The following USP25 variants were observed in gnomAD, a reference collection of about 807,000 sequenced individuals.
The protein encoded by USP25 is ubiquitin specific peptidase 25, also known as ubiquitin carboxyl-terminal hydrolase 25.
In USP25, 85 loss-of-function variants were observed where a neutral mutation model predicts 158.5. That is an observed-to-expected ratio of 0.54 (90% CI 0.45 to 0.64). The LOEUF is 0.64. Among genes scored for constraint, USP25 ranks in the 30% least tolerant of loss-of-function variants. The probability of loss-of-function intolerance (pLI) is 0.00; values close to 1 mark genes in which losing one functional copy is unlikely to be tolerated. For missense variants in USP25, 1,242 were observed against 1,327.3 expected (o/e 0.94, Z 1.00); for synonymous variants, 464 against 460.4 (o/e 1.01, Z -0.10).
chr21:15,854,180 C>G (rs1045076356), intron 20 of USP25, among the ~76,000 whole-genome samples: 1 of 152,090 alleles, frequency 6.6e-6, no homozygotes, highest in Non-Finnish European at 1.5e-5. Flanking sequence ...AAGTCTCACT[C>G]TGTCGCCCAG....
chr21:15,782,721 A>G (rs1048891241), intron 4 of USP25, among the ~76,000 whole-genome samples: 11 of 152,244 alleles, frequency 7.2e-5, no homozygotes, highest in South Asian at 6.2e-4. Flanking sequence ...GCCATTTCCA[A>G]TCAGCACCCT....
chr21:15,740,641 G>GTTTTTTTTT (rs60616271), intron 1 of USP25, among the ~76,000 whole-genome samples: 67 of 41,290 alleles, frequency 1.6e-3, no homozygotes, highest in Non-Finnish European at 3.5e-3. Context: ...CTTTCTGGCT[G>GTTTTTTTTT]TTTTTTTTTT....
At chr21:15,769,939 G>GT (rs764027848) in intron 3 of USP25, among the ~76,000 whole-genome samples, 1 of 151,844 alleles carries the variant, frequency 6.6e-6, no homozygotes, top group Non-Finnish European at 1.5e-5. Flanking sequence ...GTGACAGGTG[G>GT]TAAGACTCTT....
rs1013385791 is a variant in USP25 at position 15,791,567 on chromosome 21, G to A, written c.458G>A (p.Arg153Lys). The A allele has an allele frequency of 5.6e-6, 9 of 1,611,678 alleles. No individual in the cohort carries two copies. In the African/African-American group the frequency reaches 1.2e-4, roughly 22 times the overall value. The change falls in exon 5 of 26, where the codon AGG (arginine) becomes AAG (lysine). Residue 153 changes from arginine (R) to lysine (K), a missense_variant. By Grantham distance (26) the Arg-to-Lys change is conservative. Around this residue, in one of 3 missense-constraint regions of USP25, gnomAD observed 627 missense variants for 701.4 expected, o/e 0.89. Transcript: ENST00000400183. ...AAGAGGACACCTACAGAAGTTTGGA[G>A]GGATTCTCGAAACCCTTATGATAGA... Reference protein sequence around the residue: ...CLKRTPTEVWRDSRNPYDRKR... With the variant: ...CLKRTPTEVWKDSRNPYDRKR...
At chr21:15,872,590 A>G (rs1477949716) in intron 23 of USP25, among the ~76,000 whole-genome samples, 1 of 152,222 alleles carries the variant, frequency 6.6e-6, no homozygotes, top group African/African-American at 2.4e-5. Flanking sequence ...TTCGTTTTTC[A>G]TAAATAACAT....
intron 1 of USP25, among the ~76,000 whole-genome samples, chr21:15,750,227 T>G (rs201500617): frequency 0.073 from 10,496 of 144,200 alleles, 531 homozygotes; most frequent in Non-Finnish European, 0.09. Context: ...TTTTTTTTTT[T>G]TTTTTTTTTT....
chr21:15,857,548 A>AT (rs2039214205), intron 20 of USP25, among the ~76,000 whole-genome samples: 1 of 152,040 alleles, frequency 6.6e-6, no homozygotes, highest in African/African-American at 2.4e-5. Flanking sequence ...GGCAATTGGT[A>AT]TTTATGTTGA....
intron 1 of USP25, among the ~76,000 whole-genome samples, chr21:15,750,182 G>A (rs909917355): frequency 1.2e-5 from 1 of 82,924 alleles, no homozygotes; most frequent in African/African-American, 6.8e-5. Context: ...CTCCAGTGCC[G>A]TGTGTGTGTG....
In USP25 at chr21:15,849,670, C is replaced by A. The variant is rs571821829; in HGVS notation, c.2452-107C>A. 3.5e-6 allele frequency: 3 copies of A among 852,678 alleles called. No individual in the cohort carries two copies. In the South Asian group the frequency reaches 6.3e-5, roughly 18 times the overall value. The allele number at this position is 852,678 out of a possible 1,614,324, so 52.8% of individuals were successfully genotyped here. On this transcript the variant is annotated intron_variant, in intron 19 of 25. Transcript: ENST00000400183. ...TGGATTAAATTTGGTATTAAAAGTG[C>A]AACATTTGATTTATAAATATGGAAA...
Position 15,824,124 on chromosome 21 carries a change from T to G in USP25, c.1166T>G (p.Ile389Ser). 1 of 1,613,482 alleles carries G rather than the reference T, an allele frequency of 6.2e-7. No homozygotes were observed. The highest frequency in any genetic ancestry group is 8.5e-7 in the Non-Finnish European group (1 of 1,179,832). The change falls in exon 11 of 26, where the codon ATT becomes AGT. Residue 389 changes from isoleucine (I) to serine (S), a missense_variant. Physicochemically the swap from Ile to Ser is moderately radical, Grantham distance 142. Coordinates refer to ENST00000400183, the MANE Select transcript of USP25 (RefSeq NM_001283041.3). ...CAGGCATTGGGAAGACCAGAAAAAATTCACAACAAATTAGAATTTCCCCAA... is the reference window on the plus strand; with the variant it reads ...CAGGCATTGGGAAGACCAGAAAAAAGTCACAACAAATTAGAATTTCCCCAA... ...FNQALGRPEK[I>S]HNKLEFPQVL...
chr21:15,741,744 A>T (rs533027439), intron 1 of USP25, among the ~76,000 whole-genome samples: 2 of 152,310 alleles, frequency 1.3e-5, no homozygotes, highest in East Asian at 1.9e-4. Context: ...AATGTCAGAG[A>T]TGTAGCTAAA....
intron 22 of USP25, among the ~76,000 whole-genome samples, chr21:15,867,222 T>G (rs918709872): frequency 1.3e-5 from 2 of 152,156 alleles, no homozygotes; most frequent in Non-Finnish European, 2.9e-5. Flanking sequence ...ATTGTCTTTT[T>G]TTTAATTTAT....
chr21:15,741,942 T>G (rs1020786561), intron 1 of USP25, among the ~76,000 whole-genome samples: 4 of 152,164 alleles, frequency 2.6e-5, no homozygotes, highest in African/African-American at 9.7e-5. Context: ...ATTGCACACA[T>G]ACATGAGAAA....
intron 8 of USP25, among the ~76,000 whole-genome samples, chr21:15,810,565 A>G (rs752312967): frequency 9.9e-5 from 15 of 152,198 alleles, no homozygotes; most frequent in Non-Finnish European, 1.5e-4. Context: ...AAATTTGTAG[A>G]TGACTAATTC....
intron 24 of USP25, 115 bp downstream of exon 24, chr21:15,874,641 A>T: frequency 9.2e-7 from 1 of 1,090,084 alleles, no homozygotes; most frequent in Non-Finnish European, 1.3e-6. Flanking sequence ...GAACATGATG[A>T]TGTCTATAAA....
chr21:15,867,689 G>C (rs755380738), intron 22 of USP25, among the ~76,000 whole-genome samples: 2 of 152,090 alleles, frequency 1.3e-5, no homozygotes, highest in Admixed American at 6.5e-5. Flanking sequence ...ACTTGTGTCA[G>C]ACATCAATTT....
chr21:15,831,506 A>C lies in USP25; in HGVS notation c.1870A>C (p.Asn624His). Residue 624 changes from asparagine (N) to histidine (H), a missense_variant, in exon 16 of 26, where the codon AAT becomes CAT. Asn to His is a moderately conservative substitution (Grantham distance 68, BLOSUM62 1). This residue lies in a region of USP25 where 608 missense variants were observed against 605.2 expected (regional missense o/e 1.00). Coordinates refer to ENST00000400183, the MANE Select transcript of USP25 (RefSeq NM_001283041.3). ...TCGTGAAAGCAGATGGATGAAGTACAATGATATTGCTGTGACAAAATCATC... is the reference window on the plus strand; with the variant it reads ...TCGTGAAAGCAGATGGATGAAGTACCATGATATTGCTGTGACAAAATCATC... ...DHRESRWMKY[N>H]DIAVTKSSWE... 1 of 1,614,124 alleles carries C rather than the reference A, an allele frequency of 6.2e-7. No homozygotes were observed.
intron 4 of USP25, among the ~76,000 whole-genome samples, chr21:15,779,287 G>A (rs941571943): frequency 1.3e-5 from 2 of 151,772 alleles, no homozygotes; most frequent in Non-Finnish European, 2.9e-5. Context: ...TTTTTAAAAC[G>A]TGTATTGCAA....
chr21:15,812,995 T>C (rs35875113), intron 9 of USP25, among the ~76,000 whole-genome samples: 11 of 151,998 alleles, frequency 7.2e-5, no homozygotes, highest in Admixed American at 2.0e-4. Flanking sequence ...CTTTTTCATC[T>C]AAAACCTAAA....
Sources: allele counts gnomAD v4.1 joint callset (sites outside exome capture counted in the v4.1 genomes callset), GRCh38; gene constraint gnomAD v4.1.1; regional missense constraint gnomAD v4.1.1; transcripts MANE v1.5; gene names NCBI Gene and HGNC (gene_info 2026-07-23, HGNC 2026-07-21).